USP49: variants seen among roughly 807,000 people sequenced by gnomAD.
USP49 encodes the protein ubiquitin carboxyl-terminal hydrolase 49.
Under a neutral mutation model 58.6 loss-of-function variants are expected in USP49, and 24 were observed. The observed-to-expected ratio is 0.41, with a 90% CI of 0.30 to 0.58. The LOEUF (loss-of-function observed/expected upper bound fraction) is 0.58, where lower values mean the gene tolerates loss of function less well. USP49 is among the 20% of genes least tolerant of loss of function. The pLI is 0.30. For missense variants in USP49, 703 were observed against 866.1 expected, an observed-to-expected ratio of 0.81 and a Z score of 2.36; for synonymous variants, 408 against 365.1, an observed-to-expected ratio of 1.12 and a Z score of -1.34.
At chr6:41,821,531 G>T (rs1773452932) in intron 3 of USP49, among the ~76,000 whole-genome samples, 2 of 152,164 alleles carry the variant, frequency 1.3e-5, no homozygotes, top group Non-Finnish European at 2.9e-5. Flanking sequence ...CTAGTACTTT[G>T]GGAGGCTGAG....
intron 3 of USP49, among the ~76,000 whole-genome samples, chr6:41,852,638 T>C (rs546697504): frequency 3.3e-4 from 50 of 152,186 alleles, no homozygotes; most frequent in Non-Finnish European, 5.0e-4. Context: ...ATTGTTAAAA[T>C]GTTAATCCTA....
Position 41,805,863 on chromosome 6 carries a change from G to A in USP49, c.1121C>T (p.Ala374Val). The A allele has an allele frequency of 1.2e-6, 2 of 1,613,986 alleles. No individual in the cohort carries two copies. Among genetic ancestry groups the A allele is most frequent in the Non-Finnish European group, 8.5e-7 (1 of 1,180,016 alleles). The change falls in exon 4 of 8, where the codon GCC (alanine) becomes GTC (valine). Residue 374 changes from alanine (A) to valine (V), a missense_variant. Coordinates refer to ENST00000682992, the MANE Select transcript of USP49 (RefSeq NM_001286554.2). ...GAGCATGGCGAAGGGCGACACTAGG[G>A]CCCACTTCCCGGACCACATGACTCG... is the stretch of plus-strand genomic sequence containing the variant. ...LFRVMWSGKW[A>V]LVSPFAMLHS...
chr6:41,854,316 CAAA>C (rs565189473), intron 3 of USP49, among the ~76,000 whole-genome samples: 2 of 91,080 alleles, frequency 2.2e-5, no homozygotes, highest in African/African-American at 4.3e-5. Flanking sequence ...GACTCTGTCT[CAAA>C]AAAAAAAAAA....
intron 3 of USP49, among the ~76,000 whole-genome samples, chr6:41,808,845 T>C (rs1459054877): frequency 3.3e-5 from 5 of 152,218 alleles, no homozygotes; most frequent in African/African-American, 1.2e-4. Context: ...GGTGGAAGGA[T>C]TGAGGTCAGG....
chr6:41,805,270 ACAAG>A (rs1165233052), intron 4 of USP49, among the ~76,000 whole-genome samples: 4 of 152,236 alleles, frequency 2.6e-5, no homozygotes, highest in Non-Finnish European at 5.9e-5. Flanking sequence ...AACCAGGGTT[ACAAG>A]CAAACTCTGT....
chr6:41,888,048 C>CTTTTTTTTTTTTTT (rs35468035), intron 2 of USP49, among the ~76,000 whole-genome samples: 4 of 85,510 alleles, frequency 4.7e-5, no homozygotes, highest in South Asian at 5.0e-4. Context: ...TCACAATCAG[C>CTTTTTTTTTTTTTT]TTTTTTTTTT....
Position 41,806,621 on chromosome 6 carries a change from A to T in USP49, c.363T>A (p.Ala121=). 1 of 1,611,584 alleles carries T rather than the reference A, an allele frequency of 6.2e-7. No homozygotes were observed. Among genetic ancestry groups the T allele is most frequent in the Non-Finnish European group, 8.5e-7 (1 of 1,179,398 alleles). The change falls in exon 4 of 8, where the codon GCT becomes GCA. Residue 121 remains alanine (A), a synonymous_variant. Transcript: ENST00000682992. The surrounding 1 kb of genome is among the most constrained non-coding windows in gnomAD (Gnocchi z 5.9). ...GCGGCAGGACCACGTCCTCACCCGA[A>T]GCCATGGACCGCAGCGTCCGCCCAC... ...VRRGRTLRSM[A]SGEDVVLPQR... is the part of the protein sequence containing the mutation.
chr6:41,826,166 G>A (rs1225884909), intron 3 of USP49, among the ~76,000 whole-genome samples: 3 of 152,158 alleles, frequency 2.0e-5, no homozygotes, highest in African/African-American at 7.2e-5. Flanking sequence ...TCAGGAGGCT[G>A]AGGTGGGAAG....
intron 3 of USP49, among the ~76,000 whole-genome samples, chr6:41,818,931 A>G (rs1312992493): frequency 6.6e-6 from 1 of 152,076 alleles, no homozygotes; most frequent in Non-Finnish European, 1.5e-5. Context: ...AGACTTACAC[A>G]ATGCAAACTA....
intron 3 of USP49, among the ~76,000 whole-genome samples, chr6:41,827,417 T>C (rs1395772751): frequency 6.6e-6 from 1 of 152,146 alleles, no homozygotes; most frequent in African/African-American, 2.4e-5. Flanking sequence ...CCCAGGACTT[T>C]GGGAGGCCGA....
At chr6:41,853,203 G>T (rs1025679805) in intron 3 of USP49, among the ~76,000 whole-genome samples, 2 of 152,092 alleles carry the variant, frequency 1.3e-5, no homozygotes, top group South Asian at 2.1e-4. Flanking sequence ...AAAGAGCTGG[G>T]GGGGAGAATT....
intron 3 of USP49, among the ~76,000 whole-genome samples, chr6:41,840,049 A>G (rs1224752854): frequency 1.3e-5 from 2 of 152,084 alleles, no homozygotes; most frequent in African/African-American, 4.8e-5. Context: ...CATAATGTAA[A>G]TATCAGTATA....
intron 5 of USP49, among the ~76,000 whole-genome samples, chr6:41,800,174 G>A (rs1277879045): frequency 6.6e-6 from 1 of 152,182 alleles, no homozygotes; most frequent in African/African-American, 2.4e-5. Context: ...GTGGGACTCT[G>A]CTTAGACAGG....
At chr6:41,811,242 G>A (rs1773253014) in intron 3 of USP49, among the ~76,000 whole-genome samples, 1 of 152,120 alleles carries the variant, frequency 6.6e-6, no homozygotes, top group African/African-American at 2.4e-5. Context: ...TTTTCTGGAT[G>A]TGTTTGCCCA....
At chr6:41,891,546 C>G (rs777824342) in intron 2 of USP49, among the ~76,000 whole-genome samples, 1 of 152,082 alleles carries the variant, frequency 6.6e-6, no homozygotes, top group Non-Finnish European at 1.5e-5. Flanking sequence ...TGTGTGTTGG[C>G]TACTATTATT....
Position 41,806,342 on chromosome 6 carries a change from G to C in USP49, c.642C>G (p.His214Gln), listed in dbSNP as rs753370159. 1.3e-6 allele frequency: 2 copies of C among 1,530,684 alleles called. No homozygotes were observed. The highest frequency in any genetic ancestry group is 4.1e-5 in the Admixed American group (2 of 48,242). The allele number at this position is 1,530,684 out of a possible 1,614,324, so 94.8% of individuals were successfully genotyped here. Residue 214 changes from histidine (H) to glutamine (Q), a missense_variant, in exon 4 of 8, where the codon CAC becomes CAG. Transcript: ENST00000682992. The surrounding 1 kb of genome is among the most constrained non-coding windows in gnomAD (Gnocchi z 5.9). ...CAGCCGGGCCCGCGTCGCGGGGCGT[G>C]TGCAGGAGCAGCCGTGCACTCTTGC... ...PPRKSARLLLHTPRDAGPAAS... is the reference protein window; with the variant it reads ...PPRKSARLLLQTPRDAGPAAS...
At chr6:41,797,202 C>T (rs1254021350) in intron 7 of USP49, among the ~76,000 whole-genome samples, 10 of 152,086 alleles carry the variant, frequency 6.6e-5, no homozygotes, top group African/African-American at 1.9e-4. Flanking sequence ...CCTCGTGATC[C>T]GCCCGCCTCG....
At chr6:41,861,103 G>A (rs1263127595) in intron 3 of USP49, among the ~76,000 whole-genome samples, 3 of 151,570 alleles carry the variant, frequency 2.0e-5, no homozygotes, top group African/African-American at 7.3e-5. Context: ...ACTCCAGGCT[G>A]GGCAACACTG....
At chr6:41,807,310 A>G (rs1773158349) in intron 3 of USP49, among the ~76,000 whole-genome samples, 1 of 152,226 alleles carries the variant, frequency 6.6e-6, no homozygotes, top group Non-Finnish European at 1.5e-5. Context: ...AGAAACTCAA[A>G]TAAAAAGTCA....
Sources: gnomAD v4.1 joint callset for allele counts (sites outside exome capture counted in the v4.1 genomes callset) on GRCh38, gnomAD v4.1.1 for gene constraint, Gnocchi (gnomAD v3.1) non-coding constraint, MANE v1.5 for transcripts, NCBI Gene and HGNC (gene_info 2026-07-23, HGNC 2026-07-21) for gene names.